Variants in TMEM126B observed in about 807,000 individuals in gnomAD.
TMEM126B encodes the protein transmembrane protein 126B.
In TMEM126B, 19 loss-of-function variants were observed where a neutral mutation model predicts 16.5. The observed-to-expected ratio is 1.15, with a 90% CI of 0.80 to 1.69. The LOEUF (loss-of-function observed/expected upper bound fraction) is 1.69, where lower values mean the gene tolerates loss of function less well. Among genes scored for constraint, TMEM126B ranks in the 40% most tolerant of loss-of-function variants. TMEM126B has a pLI of 0.00. For synonymous variants in TMEM126B, 104 were observed against 93.2 expected, an observed-to-expected ratio of 1.12 and a Z score of -0.67; for missense variants, 293 against 278.7, an observed-to-expected ratio of 1.05 and a Z score of -0.37.
At chr11:85,635,893 A>G in intron 4 of TMEM126B, 115 bp downstream of exon 4, 1 of 1,068,468 alleles carries the variant, frequency 9.4e-7, no homozygotes, top group Non-Finnish European at 1.3e-6. Context: ...TTGAATCAAA[A>G]TGTGGTAGTT....
Position 85,635,773 on chromosome 11 carries a change from A to G in TMEM126B, c.504A>G (p.Ala168=), listed in dbSNP as rs1478046117. The change falls in exon 4 of 5, where the codon GCA becomes GCG. Residue 168 remains alanine, a synonymous_variant. Coordinates refer to ENST00000358867, the MANE Select transcript of TMEM126B (RefSeq NM_018480.7). ...SLAFTKNGRL[A]TKYHTVPLPP... ...CTTTTACTAAAAATGGACGCCTGGC[A>G]ACCAAGTAAGTTCTTCCTTTTCCTT... The G allele has an allele frequency of 6.3e-7, 1 of 1,578,746 alleles. No homozygotes were observed. The highest frequency in any genetic ancestry group is 8.6e-7 in the Non-Finnish European group (1 of 1,168,196).
upstream of TMEM126B, chr11:85,628,582 A>G: frequency 6.5e-7 from 1 of 1,535,084 alleles, no homozygotes; most frequent in Non-Finnish European, 8.7e-7. Flanking sequence ...GTCCCCGCCC[A>G]CCGGCAAGTC....
chr11:85,632,726 G>A (rs973106956), intron 2 of TMEM126B, among the ~76,000 whole-genome samples: 4 of 151,944 alleles, frequency 2.6e-5, no homozygotes, highest in African/African-American at 9.7e-5. Flanking sequence ...ATACAGTTAT[G>A]TAACCATCAC....
rs111309363 is a variant in TMEM126B at position 85,636,245 on chromosome 11, G to A, written c.*16G>A. 6.9e-7 allele frequency: 1 copy of A among 1,439,972 alleles called. No homozygotes were observed. Among genetic ancestry groups the A allele is most frequent in the East Asian group, 2.5e-5 (1 of 40,178 alleles). 89.2% of individuals were successfully genotyped at this position (1,439,972 alleles called of 1,614,324 possible). On this transcript the variant is annotated 3_prime_UTR_variant, in exon 5 of 5. Transcript: ENST00000358867. ...TGAAGAGTAACCAAAAAAATGAATGGTTGCTAACTTAGCAAAATGAAGTTT... is the reference window on the plus strand; with the variant it reads ...TGAAGAGTAACCAAAAAAATGAATGATTGCTAACTTAGCAAAATGAAGTTT...
chr11:85,635,451 C>T (rs896550235), intron 3 of TMEM126B, among the ~76,000 whole-genome samples: 6 of 152,156 alleles, frequency 3.9e-5, no homozygotes, highest in Non-Finnish European at 8.8e-5. Context: ...CAACCACATA[C>T]GTTAGAGGTA....
intron 1 of TMEM126B, among the ~76,000 whole-genome samples, chr11:85,630,987 A>G (rs1412664806): frequency 2.6e-5 from 4 of 152,158 alleles, no homozygotes. Flanking sequence ...CTCTGCTTCC[A>G]CCACAGGTGG....
chr11:85,633,237 A>G (rs994701736), intron 2 of TMEM126B, among the ~76,000 whole-genome samples: 34 of 152,110 alleles, frequency 2.2e-4, no homozygotes, highest in African/African-American at 8.0e-4. Context: ...AGTCTTTGCT[A>G]TTGTGAATAG....
Position 85,633,037 on chromosome 11 carries a change from G to A in TMEM126B, c.204-1049G>A, listed in dbSNP as rs181092460. ...CTCATTGTTCATTTCCCACCTATGAGTGAGAATATGCGGTGTTTGGTTTTT... is the reference window on the plus strand; with the variant it reads ...CTCATTGTTCATTTCCCACCTATGAATGAGAATATGCGGTGTTTGGTTTTT... On this transcript the variant is annotated intron_variant, in intron 2 of 4. Transcript: ENST00000358867. Among the ~76,000 whole-genome samples, 589 of 152,174 alleles carry A rather than the reference G, an allele frequency of 3.9e-3. 3 individuals carry two copies. Among genetic ancestry groups the A allele is most frequent in the Admixed American group, 7.5e-3 (114 of 15,288 alleles).
Position 85,628,634 on chromosome 11 carries a change from G to A in TMEM126B, c.27G>A (p.Gly9=), listed in dbSNP as rs1306871469. MVVFGYEA[G]TKPRDSGVVP... is the part of the protein sequence containing the mutation. Reference sequence around the variant, plus strand: ...TGGTGGTGTTCGGGTATGAGGCTGGGACTAAGCCAAGGGATTCAGGTGTGG... The same window carrying A: ...TGGTGGTGTTCGGGTATGAGGCTGGAACTAAGCCAAGGGATTCAGGTGTGG... Residue 9 remains glycine (G), a synonymous_variant, in exon 1 of 5, where the codon GGG becomes GGA. Coordinates refer to ENST00000358867, the MANE Select transcript of TMEM126B (RefSeq NM_018480.7). 1.7e-5 allele frequency: 26 copies of A among 1,536,158 alleles called. No homozygotes were observed. The highest frequency in any genetic ancestry group is 2.1e-5 in the Non-Finnish European group (24 of 1,146,914).
Position 85,631,784 on chromosome 11 carries a change from A to T in TMEM126B, c.179A>T (p.Asn60Ile), listed in dbSNP as rs2082303322. ...RPMVIEIIEK[N>I]FDYLRKEMTQ... Reference sequence around the variant, plus strand: ...ATGGTCATAGAAATCATAGAAAAAAATTTTGACTATCTTAGAAAAGAAATG... The same window carrying T: ...ATGGTCATAGAAATCATAGAAAAAATTTTTGACTATCTTAGAAAAGAAATG... The change falls in exon 2 of 5, where the codon AAT (asparagine) becomes ATT (isoleucine). Residue 60 changes from asparagine (N) to isoleucine (I), a missense_variant. Coordinates refer to ENST00000358867, the MANE Select transcript of TMEM126B (RefSeq NM_018480.7). 3 of 1,608,194 alleles carry T rather than the reference A, an allele frequency of 1.9e-6. No homozygotes were observed. Among genetic ancestry groups the T allele is most frequent in the Non-Finnish European group, 2.5e-6 (3 of 1,178,576 alleles).
Position 85,634,098 on chromosome 11 carries a change from A to G in TMEM126B, c.216A>G (p.Ile72Met), listed in dbSNP as rs756614879. The G allele has an allele frequency of 1.2e-6, 2 of 1,612,854 alleles. No individual in the cohort carries two copies. Among genetic ancestry groups the G allele is most frequent in the East Asian group, 4.5e-5 (2 of 44,798 alleles). Residue 72 changes from isoleucine (I) to methionine (M), a missense_variant, in exon 3 of 5, where the codon ATA becomes ATG. Coordinates refer to ENST00000358867, the MANE Select transcript of TMEM126B (RefSeq NM_018480.7). ...TTTTTTCTATTAGGACACAAAATAT[A>G]TATCAAATGGCGACATTTGGAACAA... is the stretch of plus-strand genomic sequence containing the variant. ...DYLRKEMTQN[I>M]YQMATFGTTA...
rs936467360 is a variant in TMEM126B, at chr11:85,635,798, T to C, written c.509+20T>C. The stretch of plus-strand genomic sequence containing the variant: ...AACCAAGTAAGTTCTTCCTTTTCCT[T>C]CTTTTTTCTTTTCTTTTCTTTTCTT... On this transcript the variant is annotated intron_variant, in intron 4 of 4. Coordinates refer to ENST00000358867, the MANE Select transcript of TMEM126B (RefSeq NM_018480.7). The C allele has an allele frequency of 6.7e-7, 1 of 1,483,520 alleles. No homozygotes were observed. Among genetic ancestry groups the C allele is most frequent in the Non-Finnish European group, 9.0e-7 (1 of 1,105,906 alleles). The allele number at this position is 1,483,520 out of a possible 1,614,324, so 91.9% of individuals were successfully genotyped here.
chr11:85,633,372 C>T (rs1320467092), intron 2 of TMEM126B, among the ~76,000 whole-genome samples: 1 of 152,226 alleles, frequency 6.6e-6, no homozygotes, highest in Non-Finnish European at 1.5e-5. Context: ...CCTGAGGAAT[C>T]GTGACACTGA....
rs555920763 is a variant in TMEM126B, at chr11:85,635,606, C to T, written c.398-61C>T. Reference sequence around the variant, plus strand: ...GTGCAGATAACTACTCTGTGAGGTACAACACTGTCTTAATAGCTCTTGAGT... The same window carrying T: ...GTGCAGATAACTACTCTGTGAGGTATAACACTGTCTTAATAGCTCTTGAGT... On this transcript the variant is annotated intron_variant, in intron 3 of 4. Coordinates refer to ENST00000358867, the MANE Select transcript of TMEM126B (RefSeq NM_018480.7). 2.0e-5 allele frequency: 23 copies of T among 1,162,808 alleles called. No homozygotes were observed. The African/African-American group carries it at 3.4e-4, about 17-fold the overall frequency. The allele number at this position is 1,162,808 out of a possible 1,614,324, so 72.0% of individuals were successfully genotyped here. A position where few individuals can be genotyped will look rare whatever the true frequency, so the allele number is the denominator to read the frequency against.
intron 4 of TMEM126B, 34 bp downstream of exon 4, chr11:85,635,812 T>C: frequency 7.1e-7 from 1 of 1,409,590 alleles, no homozygotes; most frequent in Non-Finnish European, 9.6e-7. Flanking sequence ...TTTTCTTTTC[T>C]TTTCTTTTCT....
rs555920763 is a variant in TMEM126B at position 85,635,606 on chromosome 11, C to A, written c.398-61C>A. Reference sequence around the variant, plus strand: ...GTGCAGATAACTACTCTGTGAGGTACAACACTGTCTTAATAGCTCTTGAGT... The same window carrying A: ...GTGCAGATAACTACTCTGTGAGGTAAAACACTGTCTTAATAGCTCTTGAGT... On this transcript the variant is annotated intron_variant, in intron 3 of 4. Coordinates refer to ENST00000358867, the MANE Select transcript of TMEM126B (RefSeq NM_018480.7). The A allele has an allele frequency of 7.7e-6, 9 of 1,162,690 alleles. No individual in the cohort carries two copies. In the African/African-American group the frequency reaches 9.2e-5, roughly 12 times the overall value. The allele number at this position is 1,162,690 out of a possible 1,614,324, so 72.0% of individuals were successfully genotyped here.
intron 3 of TMEM126B, among the ~76,000 whole-genome samples, chr11:85,635,302 C>T (rs1565793579): frequency 6.6e-6 from 1 of 152,112 alleles, no homozygotes. Context: ...ATCCCAGCTA[C>T]TTGGGAGGCT....
chr11:85,629,183 CTG>C (rs2082187345), intron 1 of TMEM126B: 2 of 1,278,152 alleles, frequency 1.6e-6, no homozygotes, highest in Non-Finnish European at 2.0e-6. Flanking sequence ...GATGGGATGA[CTG>C]TATCTTGATT....
intron 1 of TMEM126B, chr11:85,631,193 G>A: frequency 1.5e-6 from 2 of 1,290,438 alleles, no homozygotes; most frequent in South Asian, 2.5e-5. Flanking sequence ...ATGAGAAACT[G>A]AGGATAGAGA....
Sources: gnomAD v4.1 joint callset for allele counts (sites outside exome capture counted in the v4.1 genomes callset) on GRCh38, gnomAD v4.1.1 for gene constraint, MANE v1.5 for transcripts, NCBI Gene and HGNC (gene_info 2026-07-23, HGNC 2026-07-21) for gene names.